The following FMNL2 variants were observed in gnomAD, a reference collection of about 807,000 sequenced individuals.
FMNL2 encodes formin like 2.
A neutral mutation model predicts 130.2 loss-of-function variants in FMNL2; 51 were observed. The observed-to-expected ratio is 0.39, with a 90% CI of 0.31 to 0.49. FMNL2 has a LOEUF of 0.49. Ranked by LOEUF, FMNL2 falls within the 20% of genes least tolerant of loss-of-function variation. The probability of loss-of-function intolerance (pLI) is 0.85; values close to 1 mark genes in which losing one functional copy is unlikely to be tolerated. For missense variants in FMNL2, 977 were observed against 1,316.2 expected (o/e 0.74, Z 3.99); for synonymous variants, 465 against 467.1 (o/e 1.00, Z 0.06).
chr2:152,528,007 A>C (rs1363520490), intron 2 of FMNL2, among the ~76,000 whole-genome samples: 3 of 152,136 alleles, frequency 2.0e-5, no homozygotes, highest in Non-Finnish European at 4.4e-5. Flanking sequence ...GACCTTGAAA[A>C]TACAGGTCCA....
intron 1 of FMNL2, among the ~76,000 whole-genome samples, chr2:152,519,029 T>A (rs1558932139): frequency 6.6e-6 from 1 of 152,208 alleles, no homozygotes; most frequent in Non-Finnish European, 1.5e-5. Context: ...TTACTTTCTC[T>A]CTGGCTGTTC....
chr2:152,607,455 T>C, intron 10 of FMNL2, 42 bp downstream of exon 10: 1 of 1,421,270 alleles, frequency 7.0e-7, no homozygotes, highest in Non-Finnish European at 9.8e-7. Context: ...TCAGTTTCAA[T>C]ACTTTTTTTC....
At position 152,618,964 on chromosome 2, in the gene FMNL2, A is replaced by G. The variant is rs1699090249; in HGVS notation, c.1433A>G (p.Gln478Arg). Residue 478 changes from glutamine (Q) to arginine (R), a missense_variant, in exon 14 of 26, where the codon CAA becomes CGA. Transcript: ENST00000288670. ...LEKKIHELEK[Q>R]GTIKIQKKGD... ...AAAAAGATTCATGAGCTAGAGAAAC[A>G]AGGGACCATTAAAATTCAGAAGAAA... 1 of 1,613,954 alleles carries G rather than the reference A, an allele frequency of 6.2e-7. No individual in the cohort carries two copies.
chr2:152,618,902 A>G lies in FMNL2; in HGVS notation c.1371A>G (p.Glu457=). 6.2e-7 allele frequency: 1 copy of G among 1,611,392 alleles called. No individual in the cohort carries two copies. The highest frequency in any genetic ancestry group is 8.5e-7 in the Non-Finnish European group (1 of 1,179,236). ...QVHTLRKMVK[E]KEEAIQRQST... is the part of the protein sequence containing the mutation. ...ACACATTAAGAAAAATGGTCAAAGA[A>G]AAAGAAGAAGCAATTCAAAGACAGT... Residue 457 remains glutamate (E), a synonymous_variant, in exon 14 of 26, where the codon GAA becomes GAG. Coordinates refer to ENST00000288670, the MANE Select transcript of FMNL2 (RefSeq NM_052905.4).
intron 9 of FMNL2, among the ~76,000 whole-genome samples, chr2:152,582,811 C>T (rs1696866714): frequency 6.6e-6 from 1 of 152,116 alleles, no homozygotes; most frequent in Non-Finnish European, 1.5e-5. Context: ...ATGCTGAGTA[C>T]TTTTCACATT....
chr2:152,594,981 G>A (rs908915283), intron 9 of FMNL2, among the ~76,000 whole-genome samples: 2 of 152,046 alleles, frequency 1.3e-5, no homozygotes, highest in African/African-American at 2.4e-5. Context: ...GATGTTCCCC[G>A]CAAACTCTGC....
intron 17 of FMNL2, among the ~76,000 whole-genome samples, chr2:152,627,464 G>A (rs1681868812): frequency 6.6e-6 from 1 of 152,104 alleles, no homozygotes; most frequent in African/African-American, 2.4e-5. Flanking sequence ...TTGGTTAGAG[G>A]CTTCGAGGTG....
At chr2:152,477,547 G>A (rs1233491364) in intron 1 of FMNL2, among the ~76,000 whole-genome samples, 1 of 152,146 alleles carries the variant, frequency 6.6e-6, no homozygotes, top group African/African-American at 2.4e-5. Context: ...ACAAATTGGT[G>A]TCTCAGAGTA....
rs559523914 is a variant in FMNL2 at position 152,628,558 on chromosome 2, G to A, written c.2400+25G>A. On this transcript the variant is annotated intron_variant, in intron 18 of 25. Coordinates refer to ENST00000288670, the MANE Select transcript of FMNL2 (RefSeq NM_052905.4). ...TGTGAGTGGACTGACTCTGGCAGGG[G>A]AGGGGGTCCAAAGAAATGTGGAATC... 21 of 1,588,822 alleles carry A rather than the reference G, an allele frequency of 1.3e-5. No homozygotes were observed. In the South Asian group the frequency reaches 1.8e-4, roughly 13 times the overall value.
At position 152,628,638 on chromosome 2, in the gene FMNL2, C is replaced by T. The variant is rs865792486; in HGVS notation, c.2400+105C>T. 32 of 943,002 alleles carry T rather than the reference C, an allele frequency of 3.4e-5. No homozygotes were observed. The Middle Eastern group carries it at 1.6e-3, about 47-fold the overall frequency. The allele number at this position is 943,002 out of a possible 1,614,324, so 58.4% of individuals were successfully genotyped here. A position where few individuals can be genotyped will look rare whatever the true frequency, so the allele number is the denominator to read the frequency against. On this transcript the variant is annotated intron_variant, in intron 18 of 25. Transcript: ENST00000288670. ...TACTCAGTGTGATGGGTTCTAAAGA[C>T]TCCTTCCCAGAACTTTCTAAATTGC... is the stretch of plus-strand genomic sequence containing the variant.
At chr2:152,398,084 C>T (rs1266612552) in intron 1 of FMNL2, among the ~76,000 whole-genome samples, 5 of 152,088 alleles carry the variant, frequency 3.3e-5, no homozygotes, top group African/African-American at 4.8e-5. Flanking sequence ...GAGATTGAGC[C>T]GCTGCACTCC....
chr2:152,385,063 G>A (rs1232555866), intron 1 of FMNL2, among the ~76,000 whole-genome samples: 1 of 152,200 alleles, frequency 6.6e-6, no homozygotes, highest in Non-Finnish European at 1.5e-5. Flanking sequence ...TTAGTAATGA[G>A]AATTTTAATC....
intron 1 of FMNL2, among the ~76,000 whole-genome samples, chr2:152,336,421 T>G (rs1681450100): frequency 6.6e-6 from 1 of 152,164 alleles, no homozygotes; most frequent in Admixed American, 6.5e-5. Context: ...ATGTGGAGTT[T>G]TGCGGGGACG....
chr2:152,389,969 T>A (rs1157755188), intron 1 of FMNL2: 12 of 1,380,068 alleles, frequency 8.7e-6, no homozygotes, highest in Admixed American at 1.8e-5. Flanking sequence ...GGGCCCCAGA[T>A]AAAGGCAGAC....
chr2:152,478,250 ATTTTT>A lies in FMNL2; in HGVS notation c.118-43679_118-43675del, dbSNP rs869219736. On this transcript the variant is annotated intron_variant, in intron 1 of 25. Coordinates refer to ENST00000288670, the MANE Select transcript of FMNL2 (RefSeq NM_052905.4). ...TATACATATATATATATATATATAT[ATTTTT>A]TTTTTTTTTTTTTGAGACAGAGTCT... 8.2e-3 allele frequency among the ~76,000 whole-genome samples: 756 copies of A among 92,106 alleles called. 4 individuals are homozygous for A. Among genetic ancestry groups the A allele is most frequent in the African/African-American group, 0.031 (716 of 22,950 alleles). The allele number at this position is 92,106 out of a possible 152,430, so 60.4% of individuals were successfully genotyped here.
intron 17 of FMNL2, among the ~76,000 whole-genome samples, chr2:152,627,587 G>T (rs940902096): frequency 2.0e-4 from 30 of 152,280 alleles, no homozygotes; most frequent in African/African-American, 6.7e-4. Context: ...GAATCCTGAA[G>T]TGCAGCCTGG....
At chr2:152,548,905 G>C in intron 3 of FMNL2, 116 bp from the exon 4 acceptor site, 1 of 809,162 alleles carries the variant, frequency 1.2e-6, no homozygotes, top group Non-Finnish European at 1.9e-6. Flanking sequence ...AAAAGTGAGG[G>C]AAGCCCATTT....
chr2:152,536,140 C>T (rs1250288881), intron 2 of FMNL2, among the ~76,000 whole-genome samples: 3 of 152,226 alleles, frequency 2.0e-5, no homozygotes, highest in African/African-American at 7.2e-5. Flanking sequence ...GCAACCCTCT[C>T]CCCTCTTCTA....
At chr2:152,397,958 T>C (rs1685489993) in intron 1 of FMNL2, among the ~76,000 whole-genome samples, 1 of 152,148 alleles carries the variant, frequency 6.6e-6, no homozygotes, top group African/African-American at 2.4e-5. Context: ...ACCTCATCTC[T>C]ACTAAAAAAT....
Sources: gnomAD v4.1 joint callset for allele counts (sites outside exome capture counted in the v4.1 genomes callset) on GRCh38, gnomAD v4.1.1 for gene constraint, MANE v1.5 for transcripts, NCBI Gene and HGNC (gene_info 2026-07-23, HGNC 2026-07-21) for gene names.